C1GALT1: variants seen among roughly 807,000 people sequenced by gnomAD.
The protein encoded by C1GALT1 is glycoprotein-N-acetylgalactosamine 3-beta-galactosyltransferase 1.
In C1GALT1, 11 loss-of-function variants were observed where a neutral mutation model predicts 31.0. The observed-to-expected ratio is 0.36, with a 90% CI of 0.22 to 0.59. The LOEUF (loss-of-function observed/expected upper bound fraction) is 0.59. Among genes scored for constraint, C1GALT1 ranks in the 20% least tolerant of loss-of-function variants. The pLI, the probability that C1GALT1 is intolerant of heterozygous loss-of-function variation, is 0.79. For synonymous variants in C1GALT1, 175 were observed against 143.6 expected (o/e 1.22, Z -1.56); for missense variants, 424 against 425.2 (o/e 1.00, Z 0.03).
At chr7:7,181,777 C>A (rs993324812), upstream of C1GALT1, among the ~76,000 whole-genome samples, 1 of 152,140 alleles carries the variant, frequency 6.6e-6, no homozygotes, top group African/African-American at 2.4e-5. Context: ...TATTCTGGAA[C>A]GTGGTCTTGT....
chr7:7,199,447 T>C (rs918456158), intron 1 of C1GALT1, among the ~76,000 whole-genome samples: 9 of 152,204 alleles, frequency 5.9e-5, no homozygotes, highest in Non-Finnish European at 8.8e-5. Context: ...TGAGGAGTGC[T>C]TTACTTCCAA....
chr7:7,192,287 C>T (rs1011544266), intron 1 of C1GALT1, among the ~76,000 whole-genome samples: 6 of 151,964 alleles, frequency 3.9e-5, no homozygotes, highest in Non-Finnish European at 4.4e-5. Flanking sequence ...ATTTATCCCT[C>T]ACCCCCTCCC....
At chr7:7,242,591 G>A (rs1389991894) in intron 3 of C1GALT1, among the ~76,000 whole-genome samples, 1 of 151,974 alleles carries the variant, frequency 6.6e-6, no homozygotes, top group East Asian at 1.9e-4. Flanking sequence ...CTGAAGTTTT[G>A]TTGGAGTCAC....
chr7:7,159,994 A>G (rs1011766378), intron 2 of C1GALT1, among the ~76,000 whole-genome samples: 35 of 152,268 alleles, frequency 2.3e-4, no homozygotes, highest in African/African-American at 8.4e-4. Flanking sequence ...ATCCATGTTC[A>G]TAAATTGAGG....
chr7:7,207,753 G>A (rs1000292464), intron 1 of C1GALT1, among the ~76,000 whole-genome samples: 11 of 149,912 alleles, frequency 7.3e-5, no homozygotes, highest in African/African-American at 2.7e-4. Context: ...CTGGAAATTA[G>A]GTAGTATCCC....
intron 1 of C1GALT1, among the ~76,000 whole-genome samples, chr7:7,185,660 A>G: frequency 6.6e-6 from 1 of 152,218 alleles, no homozygotes; most frequent in East Asian, 1.9e-4. Flanking sequence ...ACTTCTTGCA[A>G]GGATACTAGT....
chr7:7,239,529 T>C (rs1293931931), intron 3 of C1GALT1, among the ~76,000 whole-genome samples: 1 of 152,170 alleles, frequency 6.6e-6, no homozygotes, highest in African/African-American at 2.4e-5. Flanking sequence ...ACAGGAGCCT[T>C]GGATGACATC....
chr7:7,187,350 C>T (rs369915332), intron 1 of C1GALT1, among the ~76,000 whole-genome samples: 2 of 151,854 alleles, frequency 1.3e-5, no homozygotes, highest in African/African-American at 4.8e-5. Flanking sequence ...CCTGGGTTCA[C>T]GCCATTCTCC....
intron 1 of C1GALT1, among the ~76,000 whole-genome samples, chr7:7,204,922 C>G (rs151169030): frequency 6.6e-6 from 1 of 152,102 alleles, no homozygotes; most frequent in African/African-American, 2.4e-5. Flanking sequence ...CTTTTAAAAT[C>G]TATTAACACT....
At chr7:7,218,489 C>A (rs950965479) in intron 1 of C1GALT1, among the ~76,000 whole-genome samples, 3 of 152,076 alleles carry the variant, frequency 2.0e-5, no homozygotes, top group African/African-American at 7.2e-5. Flanking sequence ...AAAGTGTCAT[C>A]AGAGTGGTTA....
chr7:7,187,131 A>G (rs4724959), intron 1 of C1GALT1, among the ~76,000 whole-genome samples: 41,763 of 152,192 alleles, frequency 0.27, 6,246 homozygotes, highest in East Asian at 0.42. Flanking sequence ...GAAGAGGTAC[A>G]AGACTAAAAA....
rs1469760981 is a variant in C1GALT1 at position 7,244,516 on chromosome 7, A to T, written c.*789A>T. 2 of 152,316 alleles carry T rather than the reference A, an allele frequency of 1.3e-5. No homozygotes were observed. The highest frequency in any genetic ancestry group is 6.5e-5 in the Admixed American group (1 of 15,304). The allele number at this position is 152,316 out of a possible 1,614,324, so 9.4% of individuals were successfully genotyped here. ...AGCATTCTGTAAACATGTATTTTAC[A>T]TATTTGTTCCCAAATTTGCCCATTG... On this transcript the variant is annotated 3_prime_UTR_variant, in exon 4 of 4. Coordinates refer to ENST00000436587, the MANE Select transcript of C1GALT1 (RefSeq NM_020156.5).
chr7:7,219,915 A>G (rs1782431448), intron 1 of C1GALT1, among the ~76,000 whole-genome samples: 1 of 152,184 alleles, frequency 6.6e-6, no homozygotes, highest in African/African-American at 2.4e-5. Flanking sequence ...ATCTTCAACA[A>G]TTTAGCAGTT....
intron 1 of C1GALT1, 32 bp downstream of exon 1, chr7:7,182,852 G>A (rs1780644022): frequency 4.1e-6 from 4 of 985,382 alleles, no homozygotes; most frequent in Middle Eastern, 5.2e-4. Context: ...TCAGGCTACG[G>A]GTCCAAGGTC....
At chr7:7,227,443 G>A (rs976942806) in intron 1 of C1GALT1, among the ~76,000 whole-genome samples, 2 of 152,156 alleles carry the variant, frequency 1.3e-5, no homozygotes, top group East Asian at 1.9e-4. Flanking sequence ...AGGGAAGGCC[G>A]GGCGCGGTGG....
At chr7:7,239,224 C>T (rs1783512199) in intron 3 of C1GALT1, among the ~76,000 whole-genome samples, 1 of 152,160 alleles carries the variant, frequency 6.6e-6, no homozygotes, top group Non-Finnish European at 1.5e-5. Context: ...ATACAGTAAA[C>T]AGGCAGACTT....
At chr7:7,169,425 A>G (rs1780429983) in intron 2 of C1GALT1, among the ~76,000 whole-genome samples, 1 of 152,084 alleles carries the variant, frequency 6.6e-6, no homozygotes, top group Admixed American at 6.6e-5. Flanking sequence ...CTTTTGAAAA[A>G]CTGCCATGCT....
At chr7:7,182,872 C>T (rs929879510) in intron 1 of C1GALT1, 52 bp downstream of exon 1, 1 of 983,822 alleles carries the variant, frequency 1.0e-6, no homozygotes, top group Non-Finnish European at 1.2e-6. Flanking sequence ...CTCGTCTCCC[C>T]TCGCCCTCCC....
At chr7:7,192,269 G>C (rs748009659) in intron 1 of C1GALT1, among the ~76,000 whole-genome samples, 21 of 151,876 alleles carry the variant, frequency 1.4e-4, no homozygotes, top group Non-Finnish European at 3.1e-4. Flanking sequence ...AGTACCCAAT[G>C]TGTAGTCATT....
Sources: allele counts gnomAD v4.1 joint callset (sites outside exome capture counted in the v4.1 genomes callset), GRCh38; gene constraint gnomAD v4.1.1; transcripts MANE v1.5; gene names NCBI Gene and HGNC (gene_info 2026-07-23, HGNC 2026-07-21).